The following FGF11 variants were observed in gnomAD, a reference collection of about 807,000 sequenced individuals.
FGF11 encodes fibroblast growth factor homologous factor 3.
FGF11 carries 25 observed loss-of-function variants against 25.1 expected under a neutral mutation model. The observed-to-expected ratio is 1.00, with a 90% CI of 0.73 to 1.39. The LOEUF is 1.39. Among genes scored for constraint, FGF11 ranks in the 40% most tolerant of loss-of-function variants. The pLI, the probability that FGF11 is intolerant of heterozygous loss-of-function variation, is 0.00. For synonymous variants in FGF11, 130 were observed against 128.9 expected, an observed-to-expected ratio of 1.01 and a Z score of -0.06; for missense variants, 320 against 311.0, an observed-to-expected ratio of 1.03 and a Z score of -0.22.
intron 3 of FGF11, chr17:7,442,175 C>A: frequency 2.7e-6 from 1 of 376,754 alleles, no homozygotes; most frequent in Non-Finnish European, 4.8e-6. Flanking sequence ...TCATTACTCA[C>A]TTCCCTAGAG....
chr17:7,440,917 C>T lies in FGF11; in HGVS notation c.194-554C>T. 1.0e-6 allele frequency: 1 copy of T among 990,756 alleles called. No homozygotes were observed. Among genetic ancestry groups the T allele is most frequent in the South Asian group, 4.6e-5 (1 of 21,970 alleles). 61.4% of individuals were successfully genotyped at this position (990,756 alleles called of 1,614,324 possible). On this transcript the variant is annotated intron_variant, in intron 1 of 4. Coordinates refer to ENST00000293829, the MANE Select transcript of FGF11 (RefSeq NM_004112.4). The surrounding 1 kb of genome is among the most constrained non-coding windows in gnomAD (Gnocchi z 5.4). ...GGGAGCCAGCGGACTGACAGACAGA[C>T]AGACAGACAGACAGATGGGTCAGTG...
chr17:7,442,000 C>A, intron 3 of FGF11, 121 bp downstream of exon 3: 1 of 731,130 alleles, frequency 1.4e-6, no homozygotes, highest in Non-Finnish European at 2.2e-6. Flanking sequence ...CTCCCTCCAG[C>A]TTTGCTGATG....
Position 7,442,782 on chromosome 17 carries a change from G to T in FGF11, c.597G>T (p.Lys199Asn). ...AGGCAGCTGCCCACTTTCTGCCCAA[G>T]CTCCTGGAGGGTGGGTATAGACTCA... ...KTKAAAHFLP[K>N]LLEVAMYQEP... Residue 199 changes from lysine to asparagine, a missense_variant, in exon 4 of 5, where the codon AAG (lysine) becomes AAT (asparagine). Physicochemically the swap from Lys to Asn is moderately conservative, Grantham distance 94 (BLOSUM62 0). Transcript: ENST00000293829. The T allele has an allele frequency of 3.1e-6, 5 of 1,613,992 alleles. No individual in the cohort carries two copies. The highest frequency in any genetic ancestry group is 2.2e-5 in the South Asian group (2 of 91,064).
chr17:7,443,055 C>T, intron 4 of FGF11, 21 bp from the exon 5 acceptor site: 3 of 1,599,132 alleles, frequency 1.9e-6, no homozygotes, highest in Non-Finnish European at 1.7e-6. Context: ...TTCCCTGCTC[C>T]TCTCTTTCTC....
In FGF11 at chr17:7,439,522, C is replaced by A; in HGVS notation, c.-99C>A. ...TGTGGGTGGGGCAGCGAGTCGGGGC[C>A]TGAGCGTCAAGAGCATGCCCTAGTG... On this transcript the variant is annotated 5_prime_UTR_variant, in exon 1 of 5. In the 5' UTR this introduces an upstream ATG that the reference lacks. Coordinates refer to ENST00000293829, the MANE Select transcript of FGF11 (RefSeq NM_004112.4). 1 of 1,023,616 alleles carries A rather than the reference C, an allele frequency of 9.8e-7. No individual in the cohort carries two copies. Among genetic ancestry groups the A allele is most frequent in the Non-Finnish European group, 1.3e-6 (1 of 754,464 alleles). 63.4% of individuals were successfully genotyped at this position (1,023,616 alleles called of 1,614,324 possible). A position where few individuals can be genotyped will look rare whatever the true frequency, so the allele number is the denominator to read the frequency against.
chr17:7,438,483 G>C (rs916571454), upstream of FGF11: 8 of 153,514 alleles, frequency 5.2e-5, no homozygotes, highest in African/African-American at 1.4e-4. Flanking sequence ...GGAGGAGCCT[G>C]GAGCCGAAGC....
Position 7,444,886 on chromosome 17 carries a change from G to C in FGF11, c.*1740G>C, listed in dbSNP as rs1908516848. 4 of 594,296 alleles carry C rather than the reference G, an allele frequency of 6.7e-6. No homozygotes were observed. Among genetic ancestry groups the C allele is most frequent in the Non-Finnish European group, 1.2e-5 (4 of 332,852 alleles). 36.8% of individuals were successfully genotyped at this position (594,296 alleles called of 1,614,324 possible). A position where few individuals can be genotyped will look rare whatever the true frequency, so the allele number is the denominator to read the frequency against. ...CCAACTCCTGGCACTGCTCCCAGGGGATCGGGTCTCCACTCCAGCTTTCTC... is the reference window on the plus strand; with the variant it reads ...CCAACTCCTGGCACTGCTCCCAGGGCATCGGGTCTCCACTCCAGCTTTCTC... On this transcript the variant is annotated 3_prime_UTR_variant, in exon 5 of 5. Coordinates refer to ENST00000293829, the MANE Select transcript of FGF11 (RefSeq NM_004112.4).
chr17:7,440,650 C>T lies in FGF11; in HGVS notation c.194-821C>T. On this transcript the variant is annotated intron_variant, in intron 1 of 4. Coordinates refer to ENST00000293829, the MANE Select transcript of FGF11 (RefSeq NM_004112.4). This position sits in a 1 kb window ranked among gnomAD's most constrained non-coding sequence, Gnocchi z 5.4. ...GTCAGGGAGTCCCTCTGGCCCTGCT[C>T]CCGCCCGCTCCCAGCTCCCCTAAGG... 2.0e-6 allele frequency: 2 copies of T among 985,296 alleles called. No individual in the cohort carries two copies. Among genetic ancestry groups the T allele is most frequent in the Middle Eastern group, 5.2e-4 (1 of 1,916 alleles). 61.0% of individuals were successfully genotyped at this position (985,296 alleles called of 1,614,324 possible).
chr17:7,441,252 C>A (rs1908308575), intron 1 of FGF11: 1 of 556,474 alleles, frequency 1.8e-6, no homozygotes, highest in Admixed American at 3.2e-5. Flanking sequence ...ATAAATTACA[C>A]TGAAAGCTCC....
At position 7,442,689 on chromosome 17, in the gene FGF11, C is replaced by T; in HGVS notation, c.504C>T (p.Gly168=). The change falls in exon 4 of 5, where the codon GGC becomes GGT. Residue 168 remains glycine (G), a synonymous_variant. Coordinates refer to ENST00000293829, the MANE Select transcript of FGF11 (RefSeq NM_004112.4). ...CTCTCTACCGCCAGCGTCGTTCTGG[C>T]CGGGCCTGGTACCTCGGCCTGGACA... ...ASALYRQRRS[G]RAWYLGLDKE... is the part of the protein sequence containing the mutation. 1 of 1,614,182 alleles carries T rather than the reference C, an allele frequency of 6.2e-7. No homozygotes were observed. The highest frequency in any genetic ancestry group is 8.5e-7 in the Non-Finnish European group (1 of 1,180,032).
upstream of FGF11, chr17:7,438,395 G>A (rs1339166845): frequency 6.5e-6 from 1 of 154,154 alleles, no homozygotes; most frequent in Non-Finnish European, 1.5e-5. Context: ...GCTCTGCAGA[G>A]ACACCCTCAC....
At position 7,440,906 on chromosome 17, in the gene FGF11, TGACA is replaced by T. The variant is rs201052872; in HGVS notation, c.194-542_194-539del. Reference sequence around the variant, plus strand: ...ACTGGGCCCCCGGGAGCCAGCGGACTGACAGACAGACAGACAGACAGACAGATGG... The same window carrying T: ...ACTGGGCCCCCGGGAGCCAGCGGACTGACAGACAGACAGACAGACAGATGG... On this transcript the variant is annotated intron_variant, in intron 1 of 4. Coordinates refer to ENST00000293829, the MANE Select transcript of FGF11 (RefSeq NM_004112.4). The surrounding 1 kb of genome is among the most constrained non-coding windows in gnomAD (Gnocchi z 5.4). 1.7e-4 allele frequency: 172 copies of T among 987,772 alleles called. No homozygotes were observed. Among genetic ancestry groups the T allele is most frequent in the Admixed American group, 4.1e-4 (7 of 16,984 alleles). The allele number at this position is 987,772 out of a possible 1,614,324, so 61.2% of individuals were successfully genotyped here. A position where few individuals can be genotyped will look rare whatever the true frequency, so the allele number is the denominator to read the frequency against.
In FGF11 at chr17:7,442,378, A is replaced by G. The variant is rs1030383430; in HGVS notation, c.409-216A>G. On this transcript the variant is annotated intron_variant, in intron 3 of 4. Coordinates refer to ENST00000293829, the MANE Select transcript of FGF11 (RefSeq NM_004112.4). Reference sequence around the variant, plus strand: ...CTCGGCCTCCCAAAGTGTTGGGATTATAGGCATGAGCCACTGTGCTTGGCC... The same window carrying G: ...CTCGGCCTCCCAAAGTGTTGGGATTGTAGGCATGAGCCACTGTGCTTGGCC... 26 of 1,355,962 alleles carry G rather than the reference A, an allele frequency of 1.9e-5. No homozygotes were observed. In the African/African-American group the frequency reaches 3.8e-4, roughly 20 times the overall value. The allele number at this position is 1,355,962 out of a possible 1,614,324, so 84.0% of individuals were successfully genotyped here. A position where few individuals can be genotyped will look rare whatever the true frequency, so the allele number is the denominator to read the frequency against.
At chr17:7,439,488 C>T (rs1295231665), upstream of FGF11, 1 of 684,996 alleles carries the variant, frequency 1.5e-6, no homozygotes, top group Non-Finnish European at 2.2e-6. Context: ...GGGGCTTATC[C>T]TCAGGTCCTG....
rs1370073257 is a variant in FGF11 at position 7,443,784 on chromosome 17, C to T, written c.*638C>T. Reference sequence around the variant, plus strand: ...GAGGCTAGATTTGGGCCTTGTCTAGCTGTTGGCTTTGGCCTGAACCGGAAC... The same window carrying T: ...GAGGCTAGATTTGGGCCTTGTCTAGTTGTTGGCTTTGGCCTGAACCGGAAC... On this transcript the variant is annotated 3_prime_UTR_variant, in exon 5 of 5. Coordinates refer to ENST00000293829, the MANE Select transcript of FGF11 (RefSeq NM_004112.4). The T allele has an allele frequency of 6.6e-6, 1 of 152,266 alleles. No individual in the cohort carries two copies. Among genetic ancestry groups the T allele is most frequent in the Non-Finnish European group, 1.5e-5 (1 of 68,094 alleles). The allele number at this position is 152,266 out of a possible 1,614,324, so 9.4% of individuals were successfully genotyped here.
rs763496669 is a variant in FGF11, at chr17:7,442,725, G to A, written c.540G>A (p.Gln180=). 6.2e-7 allele frequency: 1 copy of A among 1,613,986 alleles called. No individual in the cohort carries two copies. Among genetic ancestry groups the A allele is most frequent in the African/African-American group, 1.3e-5 (1 of 74,922 alleles). ...AWYLGLDKEG[Q]VMKGNRVKKT... ...ACCTCGGCCTGGACAAGGAGGGCCA[G>A]GTCATGAAGGGAAACCGAGTTAAGA... The change falls in exon 4 of 5, where the codon CAG becomes CAA. Residue 180 remains glutamine (Q), a synonymous_variant. Coordinates refer to ENST00000293829, the MANE Select transcript of FGF11 (RefSeq NM_004112.4).
At chr17:7,442,463 A>C in intron 3 of FGF11, 131 bp from the exon 4 acceptor site, 1 of 1,538,302 alleles carries the variant, frequency 6.5e-7, no homozygotes, top group Non-Finnish European at 8.7e-7. Context: ...CCCAGGTCCT[A>C]CATGGACTCA....
At position 7,441,898 on chromosome 17, in the gene FGF11, G is replaced by A; in HGVS notation, c.408+19G>A. On this transcript the variant is annotated intron_variant, in intron 3 of 4. Transcript: ENST00000293829. ...CAGTTCGGTGAGACAATGAGGCTGA[G>A]TGGCCGGGAAATACTGGGGACTCCC... 5 of 1,547,744 alleles carry A rather than the reference G, an allele frequency of 3.2e-6. No individual in the cohort carries two copies. The highest frequency in any genetic ancestry group is 1.2e-5 in the South Asian group (1 of 83,100).
In FGF11 at chr17:7,444,212, T is replaced by G. The variant is rs1338646473; in HGVS notation, c.*1066T>G. ...CTGAGGTCGTGCCAGGGAGACAGAG[T>G]CTGGAGAAGGGCAGAGGAATTTTGG... On this transcript the variant is annotated 3_prime_UTR_variant, in exon 5 of 5. Coordinates refer to ENST00000293829, the MANE Select transcript of FGF11 (RefSeq NM_004112.4). The G allele has an allele frequency of 1.3e-5, 2 of 152,330 alleles. No individual in the cohort carries two copies. Among genetic ancestry groups the G allele is most frequent in the Non-Finnish European group, 2.9e-5 (2 of 68,008 alleles). The allele number at this position is 152,330 out of a possible 1,614,324, so 9.4% of individuals were successfully genotyped here. A position where few individuals can be genotyped will look rare whatever the true frequency, so the allele number is the denominator to read the frequency against.
Sources: gnomAD v4.1 joint callset for allele counts on GRCh38, gnomAD v4.1.1 for gene constraint, Gnocchi (gnomAD v3.1) non-coding constraint, MANE v1.5 for transcripts, NCBI Gene and HGNC (gene_info 2026-07-23, HGNC 2026-07-21) for gene names.